Variants in PCDHA11 observed in about 807,000 individuals in gnomAD.
PCDHA11 encodes protocadherin alpha 11.
PCDHA11 carries 61 observed loss-of-function variants against 70.3 expected under a neutral mutation model. The observed-to-expected ratio is 0.87, with a 90% CI of 0.71 to 1.07. PCDHA11 has a LOEUF of 1.07. Among genes scored for constraint, PCDHA11 ranks in the 50% least tolerant of loss-of-function variants. PCDHA11 has a pLI of 0.00. For missense variants in PCDHA11, 1,324 were observed against 1,237.5 expected (o/e 1.07, Z -1.05); for synonymous variants, 633 against 555.1 (o/e 1.14, Z -1.97).
At chr5:140,941,508 G>A (rs1296025812) in intron 1 of PCDHA11, among the ~76,000 whole-genome samples, 1 of 151,286 alleles carries the variant, frequency 6.6e-6, no homozygotes, top group African/African-American at 2.4e-5. Flanking sequence ...GTAGAGACGA[G>A]GTTTCACCAT....
chr5:140,933,586 T>A (rs1474110331), intron 1 of PCDHA11, among the ~76,000 whole-genome samples: 1 of 152,108 alleles, frequency 6.6e-6, no homozygotes, highest in Non-Finnish European at 1.5e-5. Flanking sequence ...AGTGGGTTTT[T>A]AGGTTGATTT....
chr5:140,876,081 G>A (rs568872116), intron 1 of PCDHA11: 1 of 1,613,944 alleles, frequency 6.2e-7, no homozygotes, highest in African/African-American at 1.3e-5. Flanking sequence ...TGGACAGAGA[G>A]CAAACGCCAA....
Position 140,994,911 on chromosome 5 carries a change from A to G in PCDHA11, c.2539+12348A>G, listed in dbSNP as rs527704488. Among the ~76,000 whole-genome samples, 14 of 152,340 alleles carry G rather than the reference A, an allele frequency of 9.2e-5. No homozygotes were observed. The East Asian group carries it at 1.7e-3, about 19-fold the overall frequency. On this transcript the variant is annotated intron_variant, in intron 3 of 3. Transcript: ENST00000398640. ...AAATGAGATCAGAAATGTAGACTGGAATCAGATTTTGTAGGACCTTAAACA... is the reference window on the plus strand; with the variant it reads ...AAATGAGATCAGAAATGTAGACTGGGATCAGATTTTGTAGGACCTTAAACA...
intron 1 of PCDHA11, among the ~76,000 whole-genome samples, chr5:140,921,561 T>C (rs373696344): frequency 6.6e-6 from 1 of 152,194 alleles, no homozygotes; most frequent in South Asian, 2.1e-4. Context: ...AGCTCTATTA[T>C]GTTATAGTAG....
chr5:140,870,605 G>A lies in PCDHA11; in HGVS notation c.1502G>A (p.Arg501His), dbSNP rs1445292626. 2 of 1,613,248 alleles carry A rather than the reference G, an allele frequency of 1.2e-6. No homozygotes were observed. Among genetic ancestry groups the A allele is most frequent in the Non-Finnish European group, 1.7e-6 (2 of 1,179,846 alleles). Reference protein sequence around the residue: ...YSLVERRLGDRALSSYVSVHA... With the variant: ...YSLVERRLGDHALSSYVSVHA... Reference sequence around the variant, plus strand: ...CTGGTGGAGCGGCGGTTGGGCGACCGCGCGCTGTCGAGCTACGTGTCGGTG... The same window carrying A: ...CTGGTGGAGCGGCGGTTGGGCGACCACGCGCTGTCGAGCTACGTGTCGGTG... The change falls in exon 1 of 4, where the codon CGC (arginine) becomes CAC (histidine). Residue 501 changes from arginine (R) to histidine (H), a missense_variant. Coordinates refer to ENST00000398640, the MANE Select transcript of PCDHA11 (RefSeq NM_018902.5).
intron 1 of PCDHA11, among the ~76,000 whole-genome samples, chr5:140,936,021 T>TA (rs2090725097): frequency 1.3e-5 from 2 of 151,374 alleles, no homozygotes; most frequent in African/African-American, 4.9e-5. Flanking sequence ...GCCTCCCGAG[T>TA]AGCGGGGATT....
At chr5:140,883,367 G>A (rs782044159) in intron 1 of PCDHA11, 2 of 1,614,124 alleles carry the variant, frequency 1.2e-6, no homozygotes, top group East Asian at 2.2e-5. Context: ...TCAGCCTAGC[G>A]CCATTATTGC....
intron 1 of PCDHA11, among the ~76,000 whole-genome samples, chr5:140,946,207 A>G (rs1435472095): frequency 2.0e-5 from 3 of 152,068 alleles, no homozygotes; most frequent in Non-Finnish European, 4.4e-5. Flanking sequence ...AAAGCACACA[A>G]ATGACCAACA....
intron 1 of PCDHA11, among the ~76,000 whole-genome samples, chr5:140,932,531 G>A (rs1379233805): frequency 4.6e-5 from 7 of 151,752 alleles, no homozygotes; most frequent in Non-Finnish European, 8.9e-5. Context: ...TGGCATTCAA[G>A]GTGCTTTATT....
intron 1 of PCDHA11, chr5:140,928,748 G>T (rs191251073): frequency 6.2e-7 from 1 of 1,614,114 alleles, no homozygotes; most frequent in Admixed American, 1.7e-5. Flanking sequence ...GGTGAGCTCC[G>T]TACTGCTCGC....
At position 140,871,041 on chromosome 5, in the gene PCDHA11, T is replaced by G. The variant is rs782091626; in HGVS notation, c.1938T>G (p.Leu646=). 6.2e-7 allele frequency: 1 copy of G among 1,613,310 alleles called. No individual in the cohort carries two copies. The highest frequency in any genetic ancestry group is 1.1e-5 in the South Asian group (1 of 91,074). Residue 646 remains leucine, a synonymous_variant, in exon 1 of 4, where the codon CTT becomes CTG. Coordinates refer to ENST00000398640, the MANE Select transcript of PCDHA11 (RefSeq NM_018902.5). ...LDEADSPRHR[L]LVLVKDHGEP... Reference sequence around the variant, plus strand: ...AGGCAGACTCGCCGCGCCACCGACTTCTAGTACTGGTGAAGGATCACGGTG... The same window carrying G: ...AGGCAGACTCGCCGCGCCACCGACTGCTAGTACTGGTGAAGGATCACGGTG...
chr5:140,996,785 C>G (rs1423473534), intron 3 of PCDHA11, among the ~76,000 whole-genome samples: 2 of 152,148 alleles, frequency 1.3e-5, no homozygotes, highest in Admixed American at 6.5e-5. Context: ...TAGTGCCTCA[C>G]TCCCTACATC....
At chr5:140,968,904 G>A (rs1554231223) in intron 1 of PCDHA11, 1 of 1,614,058 alleles carries the variant, frequency 6.2e-7, no homozygotes, top group Non-Finnish European at 8.5e-7. Flanking sequence ...ATAGCATTAA[G>A]CACAGTGTCT....
At position 140,869,091 on chromosome 5, in the gene PCDHA11, A is replaced by C; in HGVS notation, c.-13A>C. 1 of 1,591,040 alleles carries C rather than the reference A, an allele frequency of 6.3e-7. No homozygotes were observed. Among genetic ancestry groups the C allele is most frequent in the Non-Finnish European group, 8.6e-7 (1 of 1,168,298 alleles). Reference sequence around the variant, plus strand: ...TGTAAAGAAGCTTATTTTGGAAGCCAATTTCGTATGCGATGTTTGGTTTTC... The same window carrying C: ...TGTAAAGAAGCTTATTTTGGAAGCCCATTTCGTATGCGATGTTTGGTTTTC... On this transcript the variant is annotated 5_prime_UTR_variant, in exon 1 of 4. Coordinates refer to ENST00000398640, the MANE Select transcript of PCDHA11 (RefSeq NM_018902.5).
At chr5:140,881,791 T>C (rs1487248430) in intron 1 of PCDHA11, among the ~76,000 whole-genome samples, 9 of 152,204 alleles carry the variant, frequency 5.9e-5, no homozygotes, top group Admixed American at 5.9e-4. Context: ...CGATCAATTG[T>C]CCCAAAACGA....
intron 1 of PCDHA11, among the ~76,000 whole-genome samples, chr5:140,932,902 T>C (rs1276238248): frequency 6.6e-6 from 1 of 152,002 alleles, no homozygotes; most frequent in Non-Finnish European, 1.5e-5. Context: ...AGGGAAACAA[T>C]AATATTTCAA....
chr5:140,955,049 G>T (rs2095130069), intron 1 of PCDHA11, among the ~76,000 whole-genome samples: 1 of 152,130 alleles, frequency 6.6e-6, no homozygotes, highest in Admixed American at 6.6e-5. Context: ...CTCATTGCTT[G>T]TTTTTGTCAG....
intron 1 of PCDHA11, chr5:140,968,734 C>A: frequency 6.2e-7 from 1 of 1,614,162 alleles, no homozygotes; most frequent in Non-Finnish European, 8.5e-7. Flanking sequence ...GTAGCACTTT[C>A]AACCTGACCG....
intron 1 of PCDHA11, among the ~76,000 whole-genome samples, chr5:140,885,133 T>G (rs2060482847): frequency 6.6e-6 from 1 of 152,216 alleles, no homozygotes; most frequent in Admixed American, 6.5e-5. Context: ...CTTTCTTTCT[T>G]TTTTTAAACT....
Sources: gnomAD v4.1 joint callset for allele counts (sites outside exome capture counted in the v4.1 genomes callset) on GRCh38, gnomAD v4.1.1 for gene constraint, MANE v1.5 for transcripts, NCBI Gene and HGNC (gene_info 2026-07-23, HGNC 2026-07-21) for gene names.